The following SUPT3H variants were observed in gnomAD, a reference collection of about 807,000 sequenced individuals.
The protein encoded by SUPT3H is transcription initiation protein SPT3 homolog.
In SUPT3H, 44 loss-of-function variants were observed where a neutral mutation model predicts 44.3. That is an observed-to-expected ratio of 0.99 (90% CI 0.78 to 1.28). SUPT3H has a LOEUF of 1.28. Ranked by LOEUF, SUPT3H falls within the 50% of genes most tolerant of loss-of-function variation. SUPT3H has a pLI of 0.00. For missense variants in SUPT3H, 380 were observed against 387.1 expected (o/e 0.98, Z 0.15); for synonymous variants, 124 against 125.6 (o/e 0.99, Z 0.09).
At chr6:45,231,138 T>C (rs1767972544) in intron 2 of SUPT3H, among the ~76,000 whole-genome samples, 1 of 152,192 alleles carries the variant, frequency 6.6e-6, no homozygotes, top group African/African-American at 2.4e-5. Flanking sequence ...TCTGTGGTGA[T>C]ACCATTTGAG....
chr6:44,966,361 C>T (rs968341159), intron 6 of SUPT3H, among the ~76,000 whole-genome samples: 12 of 150,116 alleles, frequency 8.0e-5, no homozygotes, highest in Non-Finnish European at 1.3e-4. Flanking sequence ...TAAAATGAAA[C>T]TAATAAAACT....
At position 44,976,105 on chromosome 6, in the gene SUPT3H, T is replaced by C. The variant is rs182650977; in HGVS notation, c.505-14277A>G. 4.9e-4 allele frequency among the ~76,000 whole-genome samples: 75 copies of C among 152,296 alleles called. 1 individual carries two copies. In the East Asian group the frequency reaches 0.012, roughly 25 times the overall value. ...AATCAGAAATGAGCAAGTCCATCAA[T>C]AGAAATCTGTCACAGAGACTGATCT... On this transcript the variant is annotated intron_variant, in intron 6 of 10. Transcript: ENST00000371459.
chr6:45,252,013 G>A (rs1772465904), intron 2 of SUPT3H, among the ~76,000 whole-genome samples: 1 of 152,172 alleles, frequency 6.6e-6, no homozygotes, highest in Non-Finnish European at 1.5e-5. Context: ...GGGTGAGGGA[G>A]TGGAAATAAG....
At chr6:45,009,508 C>T (rs998275688) in intron 5 of SUPT3H, among the ~76,000 whole-genome samples, 2 of 152,054 alleles carry the variant, frequency 1.3e-5, no homozygotes, top group Non-Finnish European at 2.9e-5. Flanking sequence ...GTTGTAGGTG[C>T]CCAAATTCTT....
At chr6:45,309,928 C>T (rs1405820603) in intron 2 of SUPT3H, among the ~76,000 whole-genome samples, 2 of 152,062 alleles carry the variant, frequency 1.3e-5, no homozygotes, top group African/African-American at 4.8e-5. Context: ...TGATCAACTG[C>T]AGGAACAAAC....
At chr6:44,894,997 T>C (rs57020561) in intron 10 of SUPT3H, among the ~76,000 whole-genome samples, 52,043 of 151,748 alleles carry the variant, frequency 0.34, 10,001 homozygotes, top group East Asian at 0.57. Context: ...CTAATGATGT[T>C]GATATAATGG....
At chr6:45,044,691 G>C (rs1032849150) in intron 3 of SUPT3H, among the ~76,000 whole-genome samples, 5 of 152,126 alleles carry the variant, frequency 3.3e-5, no homozygotes, top group African/African-American at 1.2e-4. Flanking sequence ...ATGGTTACTG[G>C]GTGATGGAAT....
intron 3 of SUPT3H, among the ~76,000 whole-genome samples, chr6:45,100,457 C>T (rs1798391580): frequency 6.8e-6 from 1 of 146,380 alleles, no homozygotes; most frequent in African/African-American, 2.6e-5. Flanking sequence ...CCTGTAATCC[C>T]AGCTACTCAT....
intron 2 of SUPT3H, among the ~76,000 whole-genome samples, chr6:45,257,951 A>C (rs1773688929): frequency 6.6e-6 from 1 of 152,204 alleles, no homozygotes; most frequent in South Asian, 2.1e-4. Flanking sequence ...TTCTATTTAC[A>C]GCATTCTGTT....
At chr6:45,187,884 T>C (rs540751928) in intron 2 of SUPT3H, among the ~76,000 whole-genome samples, 1 of 152,380 alleles carries the variant, frequency 6.6e-6, no homozygotes, top group East Asian at 1.9e-4. Context: ...AGTTTCACTT[T>C]CTGAGGTTTC....
At chr6:45,261,083 C>A (rs995373960) in intron 2 of SUPT3H, among the ~76,000 whole-genome samples, 2 of 151,924 alleles carry the variant, frequency 1.3e-5, no homozygotes, top group Non-Finnish European at 2.9e-5. Flanking sequence ...CCAATCAAAA[C>A]CAATCAAAAT....
At chr6:45,022,335 T>C (rs1785262169) in intron 3 of SUPT3H, among the ~76,000 whole-genome samples, 2 of 151,768 alleles carry the variant, frequency 1.3e-5, no homozygotes, top group South Asian at 4.2e-4. Context: ...CTCCAAAGTA[T>C]CAGTTTACAA....
Position 44,978,148 on chromosome 6 carries a change from A to T in SUPT3H, c.505-16320T>A, listed in dbSNP as rs568610482. Among the ~76,000 whole-genome samples, 27 of 152,294 alleles carry T rather than the reference A, an allele frequency of 1.8e-4. No individual in the cohort carries two copies. In the South Asian group the frequency reaches 5.6e-3, roughly 32 times the overall value. ...TGATTCTAGTCACTATGAAGGGAAG[A>T]TTATTTCTAAAGTAAATTCCATAGG... On this transcript the variant is annotated intron_variant, in intron 6 of 10. Coordinates refer to ENST00000371459, the MANE Select transcript of SUPT3H (RefSeq NM_003599.4).
At chr6:45,150,730 T>TG (rs199624009) in intron 2 of SUPT3H, among the ~76,000 whole-genome samples, 2,644 of 143,302 alleles carry the variant, frequency 0.018, 52 homozygotes, top group Non-Finnish European at 0.028. Flanking sequence ...GTTTTTTTTT[T>TG]TTTTTTTTTT....
At chr6:45,205,020 C>A (rs550272526) in intron 2 of SUPT3H, among the ~76,000 whole-genome samples, 1 of 152,168 alleles carries the variant, frequency 6.6e-6, no homozygotes, top group African/African-American at 2.4e-5. Flanking sequence ...CTTTCTCATG[C>A]AGTACTTTCA....
At chr6:45,087,769 C>G (rs1300704004) in intron 3 of SUPT3H, among the ~76,000 whole-genome samples, 1 of 151,850 alleles carries the variant, frequency 6.6e-6, no homozygotes, top group East Asian at 1.9e-4. Context: ...TGTTTCACCT[C>G]CCTCAAACTC....
At chr6:45,133,108 A>G (rs922210802) in intron 2 of SUPT3H, among the ~76,000 whole-genome samples, 14 of 152,172 alleles carry the variant, frequency 9.2e-5, no homozygotes, top group Admixed American at 9.2e-4. Flanking sequence ...TGACATGCTT[A>G]TTTCTTGCCC....
In SUPT3H at chr6:45,154,190, T is replaced by C. The variant is rs138875117; in HGVS notation, c.102-48184A>G. Among the ~76,000 whole-genome samples the C allele has an allele frequency of 8.2e-4, 124 of 151,950 alleles. 4 individuals are homozygous for C. The East Asian group carries it at 0.024, about 29-fold the overall frequency. On this transcript the variant is annotated intron_variant, in intron 2 of 10. Transcript: ENST00000371459. Reference sequence around the variant, plus strand: ...CTACTTAGCTTAAAACACAAGTAGCTTGAAATCCATATAGTCAATTAATTC... The same window carrying C: ...CTACTTAGCTTAAAACACAAGTAGCCTGAAATCCATATAGTCAATTAATTC...
intron 2 of SUPT3H, among the ~76,000 whole-genome samples, chr6:45,200,557 G>A (rs1237611224): frequency 6.6e-6 from 1 of 151,476 alleles, no homozygotes; most frequent in Non-Finnish European, 1.5e-5. Context: ...TACTTATGAT[G>A]TGCAAAGTAC....
Sources: gnomAD v4.1 joint callset for allele counts (sites outside exome capture counted in the v4.1 genomes callset) on GRCh38, gnomAD v4.1.1 for gene constraint, MANE v1.5 for transcripts, NCBI Gene and HGNC (gene_info 2026-07-23, HGNC 2026-07-21) for gene names.